GPBP1: variants seen among roughly 807,000 people sequenced by gnomAD.
The protein encoded by GPBP1 is GC-rich promoter binding protein 1.
GPBP1 carries 13 observed loss-of-function variants against 56.5 expected under a neutral mutation model. The ratio of observed to expected loss-of-function variants is 0.23; its 90% CI spans 0.15 to 0.37. GPBP1 has a LOEUF of 0.37. Ranked by LOEUF, GPBP1 falls within the 10% of genes least tolerant of loss-of-function variation. The probability of loss-of-function intolerance (pLI) is 1.00; values close to 1 mark genes in which losing one functional copy is unlikely to be tolerated. For missense variants in GPBP1, 477 were observed against 572.3 expected (o/e 0.83, Z 1.70); for synonymous variants, 204 against 188.9 (o/e 1.08, Z -0.66).
At chr5:57,247,304 A>T in intron 8 of GPBP1, 89 bp downstream of exon 8, 3 of 1,036,662 alleles carry the variant, frequency 2.9e-6, no homozygotes, top group Non-Finnish European at 4.0e-6. Context: ...CATTAAATGA[A>T]TACATTAAAA....
chr5:57,229,956 C>CCGTCG lies in GPBP1; in HGVS notation c.64-886_64-885insGCGTC, dbSNP rs1342280072. Among the ~76,000 whole-genome samples, 12 of 150,182 alleles carry CCGTCG rather than the reference C, an allele frequency of 8.0e-5. No homozygotes were observed. In the East Asian group the frequency reaches 2.2e-3, roughly 27 times the overall value. On this transcript the variant is annotated intron_variant, in intron 3 of 11. Transcript: ENST00000506184. ...GCATCGCATCGCGTCCCGTCCCGTC[C>CCGTCG]CGTCCCGTCCCGTCCCTTCTCACAT...
intron 10 of GPBP1, 136 bp downstream of exon 10, chr5:57,251,277 G>T: frequency 2.8e-6 from 2 of 708,662 alleles, no homozygotes; most frequent in African/African-American, 1.8e-5. Flanking sequence ...ATATACAGAT[G>T]GTTTTTAATA....
Position 57,174,199 on chromosome 5 carries a change from G to A in GPBP1, c.-1023G>A, listed in dbSNP as rs1753690338. On this transcript the variant is annotated 5_prime_UTR_variant, in exon 1 of 12. Coordinates refer to ENST00000506184, the MANE Select transcript of GPBP1 (RefSeq NM_022913.4). ...GCACCCCCAGGCCAGGGGCACCTCT[G>A]GTGGGGCAGAAGGTAACACCGTCCT... 6.5e-6 allele frequency: 1 copy of A among 152,940 alleles called. No individual in the cohort carries two copies. The highest frequency in any genetic ancestry group is 1.5e-5 in the Non-Finnish European group (1 of 68,374). 9.5% of individuals were successfully genotyped at this position (152,940 alleles called of 1,614,324 possible).
chr5:57,235,816 A>T (rs985155723), intron 5 of GPBP1, 150 bp from the exon 6 acceptor site: 1 of 591,282 alleles, frequency 1.7e-6, no homozygotes, highest in Non-Finnish European at 2.9e-6. Flanking sequence ...AAAAAGTTTC[A>T]GATTTTGTAG....
intron 6 of GPBP1, among the ~76,000 whole-genome samples, chr5:57,243,451 A>C (rs527344781): frequency 6.6e-6 from 1 of 151,768 alleles, no homozygotes; most frequent in Non-Finnish European, 1.5e-5. Context: ...GACTTTTGTC[A>C]TCTCTTACTC....
chr5:57,261,120 A>C, intron 10 of GPBP1, 60 bp from the exon 11 acceptor site: 1 of 1,032,604 alleles, frequency 9.7e-7, no homozygotes, highest in South Asian at 1.3e-5. Context: ...ACATAATGTA[A>C]ATGATACTGT....
intron 11 of GPBP1, 26 bp from the exon 12 acceptor site, chr5:57,262,564 AATTT>A (rs764777508): frequency 1.4e-5 from 21 of 1,523,642 alleles, no homozygotes; most frequent in Middle Eastern, 3.4e-4. Context: ...CTTGAGGGAT[AATTT>A]ATTTATTTTG....
chr5:57,211,669 C>T (rs1310323582), intron 2 of GPBP1, among the ~76,000 whole-genome samples: 5 of 151,826 alleles, frequency 3.3e-5, no homozygotes, highest in Non-Finnish European at 5.9e-5. Context: ...CTGCAACCTC[C>T]GCCTCCCGGG....
At chr5:57,238,942 A>G (rs142149906) in intron 6 of GPBP1, among the ~76,000 whole-genome samples, 1 of 152,350 alleles carries the variant, frequency 6.6e-6, no homozygotes, top group Non-Finnish European at 1.5e-5. Flanking sequence ...GAATTCCAAT[A>G]TTTGCCACAA....
intron 2 of GPBP1, among the ~76,000 whole-genome samples, chr5:57,186,222 C>T (rs971846831): frequency 1.3e-4 from 20 of 151,844 alleles, no homozygotes; most frequent in Admixed American, 1.1e-3. Context: ...CATACTAAGA[C>T]GCCTATTCTC....
chr5:57,214,293 A>G, intron 3 of GPBP1, 100 bp downstream of exon 3: 2 of 1,104,750 alleles, frequency 1.8e-6, no homozygotes, highest in Non-Finnish European at 1.4e-6. Flanking sequence ...TTTGCAGAGA[A>G]GTACATTTGT....
intron 6 of GPBP1, chr5:57,246,047 GC>G (rs1382921012): frequency 1.3e-5 from 4 of 311,814 alleles, no homozygotes; most frequent in Non-Finnish European, 2.3e-5. Context: ...AACATTCTGA[GC>G]CACTGTGTAG....
rs537256900 is a variant in GPBP1, at chr5:57,181,105, A to G, written c.-58+4705A>G. 2.0e-5 allele frequency among the ~76,000 whole-genome samples: 3 copies of G among 152,350 alleles called. No homozygotes were observed. The East Asian group carries it at 5.8e-4, about 29-fold the overall frequency. The stretch of plus-strand genomic sequence containing the variant: ...TCCCAACAGTTTGGGAGGCCAAGGC[A>G]GGAGGAACACTTGAGATTAGGAGTT... On this transcript the variant is annotated intron_variant, in intron 2 of 11. Coordinates refer to ENST00000506184, the MANE Select transcript of GPBP1 (RefSeq NM_022913.4).
intron 3 of GPBP1, among the ~76,000 whole-genome samples, chr5:57,225,941 T>G (rs1020601196): frequency 2.0e-5 from 3 of 152,270 alleles, no homozygotes; most frequent in African/African-American, 7.2e-5. Context: ...ACAATTCATA[T>G]GCTTATCCAG....
At chr5:57,214,842 A>G (rs978301249) in intron 3 of GPBP1, among the ~76,000 whole-genome samples, 2 of 152,124 alleles carry the variant, frequency 1.3e-5, no homozygotes, top group African/African-American at 4.8e-5. Flanking sequence ...TTTTATTAAT[A>G]GTAGAGGTGA....
At chr5:57,260,277 C>T (rs950372265) in intron 10 of GPBP1, among the ~76,000 whole-genome samples, 18 of 152,146 alleles carry the variant, frequency 1.2e-4, no homozygotes, top group African/African-American at 3.6e-4. Context: ...GGATGATCTG[C>T]TGCTGCTTCT....
chr5:57,203,177 A>C (rs920478892), intron 2 of GPBP1, among the ~76,000 whole-genome samples: 4 of 152,302 alleles, frequency 2.6e-5, no homozygotes, highest in African/African-American at 7.2e-5. Context: ...TCAGAATATA[A>C]TGCTTTTTTA....
intron 2 of GPBP1, among the ~76,000 whole-genome samples, chr5:57,186,227 AT>A (rs2111605146): frequency 6.6e-6 from 1 of 152,002 alleles, no homozygotes; most frequent in African/African-American, 2.4e-5. Context: ...TAAGACGCCT[AT>A]TCTCCAAAAA....
chr5:57,229,471 G>A (rs1336243546), intron 3 of GPBP1, among the ~76,000 whole-genome samples: 1 of 150,934 alleles, frequency 6.6e-6, no homozygotes, highest in Non-Finnish European at 1.5e-5. Context: ...GATTTATAGA[G>A]CTCTATTTTC....
Sources: allele counts gnomAD v4.1 joint callset (sites outside exome capture counted in the v4.1 genomes callset), GRCh38; gene constraint gnomAD v4.1.1; transcripts MANE v1.5; gene names NCBI Gene and HGNC (gene_info 2026-07-23, HGNC 2026-07-21).